The following KTN1 variants were observed in gnomAD, a reference collection of about 807,000 sequenced individuals.
KTN1 encodes the protein kinectin.
KTN1 carries 130 observed loss-of-function variants against 222.5 expected under a neutral mutation model. The observed-to-expected ratio is 0.58, with a 90% CI of 0.51 to 0.68. The LOEUF (loss-of-function observed/expected upper bound fraction) is 0.68. KTN1 is among the 30% of genes least tolerant of loss of function. KTN1 has a pLI of 0.00. For missense variants in KTN1, 1,508 were observed against 1,500.4 expected (o/e 1.01, Z -0.08); for synonymous variants, 512 against 496.3 (o/e 1.03, Z -0.42).
At chr14:55,655,971 G>A (rs35094494) in intron 28 of KTN1, 71 bp from the exon 29 acceptor site, 210,238 of 766,864 alleles carry the variant, frequency 0.27, 29,463 homozygotes, top group East Asian at 0.33. Flanking sequence ...TTTTTCTTAG[G>A]GGTGATATTG....
intron 17 of KTN1, among the ~76,000 whole-genome samples, chr14:55,641,464 T>C (rs367961876): frequency 3.0e-3 from 460 of 152,212 alleles, no homozygotes; most frequent in Non-Finnish European, 3.9e-3. Flanking sequence ...TGGGACTGTC[T>C]TATTTGTCTC....
intron 7 of KTN1, among the ~76,000 whole-genome samples, 164 bp from the exon 8 acceptor site, chr14:55,633,071 A>G (rs1161023323): frequency 6.6e-6 from 1 of 152,218 alleles, no homozygotes; most frequent in Admixed American, 6.5e-5. Flanking sequence ...ATTCATCACT[A>G]ACAAAATATA....
At chr14:55,600,919 A>G (rs1452651712) in intron 1 of KTN1, among the ~76,000 whole-genome samples, 1 of 151,754 alleles carries the variant, frequency 6.6e-6, no homozygotes, top group Non-Finnish European at 1.5e-5. Flanking sequence ...ATTATTTCCC[A>G]TGGAAGTGTT....
At chr14:55,608,357 TAAAC>T (rs1053401858) in intron 1 of KTN1, among the ~76,000 whole-genome samples, 16 of 152,164 alleles carry the variant, frequency 1.1e-4, no homozygotes, top group East Asian at 3.9e-4. Flanking sequence ...GAATTTATCA[TAAAC>T]AAAGTTTAAA....
chr14:55,620,326 A>G (rs533922234), intron 5 of KTN1, among the ~76,000 whole-genome samples: 2 of 152,126 alleles, frequency 1.3e-5, no homozygotes, highest in South Asian at 2.1e-4. Flanking sequence ...CAGTGGCTCT[A>G]CCATTCTGGG....
intron 1 of KTN1, among the ~76,000 whole-genome samples, chr14:55,581,384 C>T (rs2031575539): frequency 6.6e-6 from 1 of 152,198 alleles, no homozygotes; most frequent in Non-Finnish European, 1.5e-5. Flanking sequence ...AAACGGATTC[C>T]TTAGCCGCTA....
chr14:55,625,333 T>TA (rs1221654102), intron 5 of KTN1, among the ~76,000 whole-genome samples: 2 of 152,244 alleles, frequency 1.3e-5, no homozygotes, highest in Non-Finnish European at 2.9e-5. Context: ...ATTAATTTTT[T>TA]ATCATTGACC....
Position 55,653,573 on chromosome 14 carries a change from A to G in KTN1, c.2778A>G (p.Ser926=). The G allele has an allele frequency of 6.2e-7, 1 of 1,610,726 alleles. No homozygotes were observed. The highest frequency in any genetic ancestry group is 1.1e-5 in the South Asian group (1 of 90,822). Residue 926 remains serine, a synonymous_variant, in exon 28 of 44, where the codon TCA becomes TCG. Coordinates refer to ENST00000395314, the MANE Select transcript of KTN1 (RefSeq NM_001079521.2). ...QHNLKEASSA[S]QFEELEIVLK... ...CTGTTTCTCAGGCCTCTTCTGCATC[A>G]CAGTTTGAAGAACTTGAGATTGTGT...
chr14:55,622,399 T>TA (rs2039277320), intron 5 of KTN1, among the ~76,000 whole-genome samples: 1 of 152,148 alleles, frequency 6.6e-6, no homozygotes, highest in Non-Finnish European at 1.5e-5. Context: ...GCTGATGTTT[T>TA]AAAAAAATTG....
At chr14:55,623,970 CT>C (rs1237491493) in intron 5 of KTN1, among the ~76,000 whole-genome samples, 3 of 152,160 alleles carry the variant, frequency 2.0e-5, no homozygotes, top group Non-Finnish European at 2.9e-5. Context: ...GTAAATCAGA[CT>C]ACCCTTTATC....
chr14:55,671,743 T>C (rs2045470693), intron 36 of KTN1, 42 bp from the exon 37 acceptor site: 1 of 1,546,920 alleles, frequency 6.5e-7, no homozygotes, highest in Non-Finnish European at 8.9e-7. Flanking sequence ...ATCTTGGCAT[T>C]AGAACATGAA....
intron 1 of KTN1, among the ~76,000 whole-genome samples, chr14:55,583,354 C>A (rs1404878758): frequency 6.6e-6 from 1 of 152,052 alleles, no homozygotes; most frequent in Non-Finnish European, 1.5e-5. Flanking sequence ...TTAATTCTAA[C>A]AATAGTTTTA....
intron 1 of KTN1, among the ~76,000 whole-genome samples, chr14:55,581,913 C>G (rs1347908060): frequency 1.4e-5 from 2 of 146,000 alleles, no homozygotes; most frequent in Admixed American, 6.9e-5. Context: ...TTCCTTTTTC[C>G]TTTTTTTTTA....
chr14:55,679,061 T>G (rs1162503159), intron 42 of KTN1: 2 of 155,250 alleles, frequency 1.3e-5, no homozygotes, highest in Non-Finnish European at 2.8e-5. Context: ...TTAGCCACTT[T>G]GTGCTTTAGT....
intron 41 of KTN1, among the ~76,000 whole-genome samples, chr14:55,677,957 C>T (rs555920012): frequency 6.6e-6 from 1 of 152,316 alleles, no homozygotes; most frequent in East Asian, 1.9e-4. Flanking sequence ...CTTGGCCTCC[C>T]AAAGTGCTAG....
Position 55,663,060 on chromosome 14 carries a change from T to C in KTN1, c.3091-895T>C. On this transcript the variant is annotated intron_variant, in intron 32 of 43. Coordinates refer to ENST00000395314, the MANE Select transcript of KTN1 (RefSeq NM_001079521.2). ...GTATACTTGGCTCAGTTTCCTAACT[T>C]ACTTGAGCTGTGGTTTCCCTATCTA... 1.1e-5 allele frequency: 5 copies of C among 439,590 alleles called. 1 individual carries two copies. Among genetic ancestry groups the C allele is most frequent in the South Asian group, 7.9e-5 (5 of 62,936 alleles). The allele number at this position is 439,590 out of a possible 1,614,324, so 27.2% of individuals were successfully genotyped here. A position where few individuals can be genotyped will look rare whatever the true frequency, so the allele number is the denominator to read the frequency against.
Position 55,637,349 on chromosome 14 carries a change from A to G in KTN1, c.1701A>G (p.Leu567=), listed in dbSNP as rs2041248333. The G allele has an allele frequency of 3.8e-6, 6 of 1,563,852 alleles. No individual in the cohort carries two copies. The highest frequency in any genetic ancestry group is 4.3e-6 in the Non-Finnish European group (5 of 1,158,342). ...AAAGGGTGAACAAAGAAGAGTCTCT[A>G]CAAATGCAGGTTCAGGTATTTTTTC... is the stretch of plus-strand genomic sequence containing the variant. ...EQKRVNKEES[L]QMQVQDILEQ... Residue 567 remains leucine, a synonymous_variant, in exon 11 of 44, where the codon CTA becomes CTG. Transcript: ENST00000395314.
rs568365254 is a variant in KTN1, at chr14:55,633,687, T to A, written c.1328+346T>A. Among the ~76,000 whole-genome samples the A allele has an allele frequency of 1.3e-4, 20 of 152,248 alleles. No individual in the cohort carries two copies. In the South Asian group the frequency reaches 3.9e-3, roughly 30 times the overall value. On this transcript the variant is annotated intron_variant, in intron 8 of 43. Transcript: ENST00000395314. ...GGAATGGTCTACAAGCTTATGAGTT[T>A]ATAAGTTTTAAACCATCTGTCCCCT...
intron 19 of KTN1, among the ~76,000 whole-genome samples, chr14:55,647,217 A>C (rs945391263): frequency 1.3e-5 from 2 of 152,230 alleles, no homozygotes; most frequent in Admixed American, 1.3e-4. Flanking sequence ...ACTTGAGTAC[A>C]TTTTACTTGT....
Sources: gnomAD v4.1 joint callset for allele counts (sites outside exome capture counted in the v4.1 genomes callset) on GRCh38, gnomAD v4.1.1 for gene constraint, MANE v1.5 for transcripts, NCBI Gene and HGNC (gene_info 2026-07-23, HGNC 2026-07-21) for gene names.